Variants in ARPC5 observed in about 807,000 individuals in gnomAD.
ARPC5 encodes the protein actin related protein 2/3 complex subunit 5, also known as actin-related protein 2/3 complex subunit 5.
In ARPC5, 5 loss-of-function variants were observed where a neutral mutation model predicts 15.4. The observed-to-expected ratio is 0.32, with a 90% confidence interval of 0.17 to 0.68. The LOEUF (loss-of-function observed/expected upper bound fraction) is 0.68. Among genes scored for constraint, ARPC5 ranks in the 30% least tolerant of loss-of-function variants. ARPC5 has a pLI of 0.71. For missense variants in ARPC5, 138 were observed against 192.8 expected (o/e 0.72, Z 1.68); for synonymous variants, 85 against 72.2 (o/e 1.18, Z -0.90).
intron 1 of ARPC5, among the ~76,000 whole-genome samples, chr1:183,634,986 TC>T (rs1053092172): frequency 1.4e-5 from 2 of 146,034 alleles, no homozygotes; most frequent in African/African-American, 5.1e-5. Context: ...CAGTCCCATC[TC>T]CCCCCGCCCC....
intron 1 of ARPC5, 56 bp downstream of exon 1, chr1:183,635,461 G>T: frequency 1.3e-6 from 2 of 1,534,794 alleles, no homozygotes; most frequent in Admixed American, 1.9e-5. Flanking sequence ...CCGGGTCCCA[G>T]GAGAAGGGCG....
rs1436487896 is a variant in ARPC5 at position 183,623,053 on chromosome 1, A to C, written c.*4479T>G. ...ATGCCAAGTGAATGTGGGGATGAGT[A>C]AGAGCCAGCTACTATGACTTCAGGG... On this transcript the variant is annotated 3_prime_UTR_variant, in exon 4 of 4. Transcript: ENST00000359856. 5.3e-6 allele frequency: 1 copy of C among 189,490 alleles called. No homozygotes were observed. Among genetic ancestry groups the C allele is most frequent in the Admixed American group, 5.6e-5 (1 of 17,792 alleles). 11.7% of individuals were successfully genotyped at this position (189,490 alleles called of 1,614,324 possible). A position where few individuals can be genotyped will look rare whatever the true frequency, so the allele number is the denominator to read the frequency against.
At chr1:183,633,571 C>G (rs984949659) in intron 1 of ARPC5, 1 of 153,050 alleles carries the variant, frequency 6.5e-6, no homozygotes, top group African/African-American at 2.4e-5. Flanking sequence ...AAATAAAGAC[C>G]AAACTTTTGC....
rs17488675 is a variant in ARPC5 at position 183,623,435 on chromosome 1, C to T, written c.*4097G>A. On this transcript the variant is annotated 3_prime_UTR_variant, in exon 4 of 4. Coordinates refer to ENST00000359856, the MANE Select transcript of ARPC5 (RefSeq NM_005717.4). ...ACATGCTGTACCTCTGTGGGCTTCC[C>T]GGGCCTCCTCCATATCTGGAATCAT... 0.34 allele frequency: 530,291 copies of T among 1,549,968 alleles called. 95,759 individuals carry two copies. Among genetic ancestry groups the T allele is most frequent in the Middle Eastern group, 0.38 (2,295 of 5,988 alleles).
chr1:183,633,229 G>T, intron 1 of ARPC5, 75 bp from the exon 2 acceptor site: 1 of 996,572 alleles, frequency 1.0e-6, no homozygotes, highest in Non-Finnish European at 1.5e-6. Context: ...CTTATGACTT[G>T]ATTTACATAT....
Position 183,634,901 on chromosome 1 carries a change from CCTTCTTCTTCTT to C in ARPC5, c.143+604_143+615del, listed in dbSNP as rs748276518. On this transcript the variant is annotated intron_variant, in intron 1 of 3. Transcript: ENST00000359856. ...GTACAATGTATATTTTGCCAAATCC[CCTTCTTCTTCTT>C]CTTTTTTTTTTTTTTTTAAAAAGGC... Among the ~76,000 whole-genome samples the C allele has an allele frequency of 4.9e-4, 72 of 147,010 alleles. 1 individual carries two copies. The highest frequency in any genetic ancestry group is 1.8e-3 in the African/African-American group (71 of 38,664).
intron 1 of ARPC5, chr1:183,633,861 A>G (rs953660064): frequency 6.6e-6 from 1 of 152,254 alleles, no homozygotes; most frequent in Non-Finnish European, 1.5e-5. Flanking sequence ...CAGAAGGCCA[A>G]TCAGACTGTC....
chr1:183,623,379 G>A lies in ARPC5; in HGVS notation c.*4153C>T. 1 of 1,544,130 alleles carries A rather than the reference G, an allele frequency of 6.5e-7. No individual in the cohort carries two copies. The highest frequency in any genetic ancestry group is 1.7e-4 in the Middle Eastern group (1 of 5,974). ...TGTTGCTTGTGGTTGGATCATCAAT[G>A]TGGTGAAGTAGCACCACCTTGAGGC... On this transcript the variant is annotated 3_prime_UTR_variant, in exon 4 of 4. Coordinates refer to ENST00000359856, the MANE Select transcript of ARPC5 (RefSeq NM_005717.4).
chr1:183,633,439 T>C (rs1325901935), intron 1 of ARPC5: 5 of 219,834 alleles, frequency 2.3e-5, no homozygotes, highest in Non-Finnish European at 4.5e-5. Flanking sequence ...GAGATACATA[T>C]GCAAACATTA....
intron 1 of ARPC5, among the ~76,000 whole-genome samples, chr1:183,634,140 T>C (rs1050086037): frequency 6.6e-6 from 1 of 152,256 alleles, no homozygotes; most frequent in African/African-American, 2.4e-5. Context: ...TTAGGAAGCA[T>C]GTTCACCATT....
In ARPC5 at chr1:183,622,312, ATAAAAAC is replaced by A. The variant is rs1332827281; in HGVS notation, c.*5213_*5219del. 1 of 152,084 alleles carries A rather than the reference ATAAAAAC, an allele frequency of 6.6e-6. No homozygotes were observed. The highest frequency in any genetic ancestry group is 1.5e-5 in the Non-Finnish European group (1 of 68,046). 9.4% of individuals were successfully genotyped at this position (152,084 alleles called of 1,614,324 possible). On this transcript the variant is annotated 3_prime_UTR_variant, in exon 4 of 4. Transcript: ENST00000359856. ...ATATGAACAAATTATTTGAAAACGA[ATAAAAAC>A]TAAAATGAATAAAATACAGAACCAT...
chr1:183,632,583 T>C (rs1390393350), intron 2 of ARPC5: 1 of 152,370 alleles, frequency 6.6e-6, no homozygotes, highest in African/African-American at 2.4e-5. Flanking sequence ...TTATAAAATT[T>C]CATTCTTAAA....
At position 183,635,506 on chromosome 1, in the gene ARPC5, T is replaced by A; in HGVS notation, c.143+11A>T. 6.2e-7 allele frequency: 1 copy of A among 1,606,750 alleles called. No individual in the cohort carries two copies. Among genetic ancestry groups the A allele is most frequent in the Non-Finnish European group, 8.5e-7 (1 of 1,177,126 alleles). ...GGGCTGGGGTGGGGAGGGCGGTGAA[T>A]GCAAGGATATTGCCGCAGGCAGGAG... On this transcript the variant is annotated intron_variant, in intron 1 of 3. Transcript: ENST00000359856.
intron 1 of ARPC5, among the ~76,000 whole-genome samples, chr1:183,634,694 A>G (rs1248691151): frequency 6.6e-6 from 1 of 152,234 alleles, no homozygotes; most frequent in African/African-American, 2.4e-5. Flanking sequence ...TCTGCTTTAT[A>G]CGAATGACTC....
intron 3 of ARPC5, 31 bp from the exon 4 acceptor site, chr1:183,627,625 A>G (rs1173365462): frequency 6.4e-7 from 1 of 1,567,526 alleles, no homozygotes; most frequent in East Asian, 2.2e-5. Context: ...AAATGTTGAC[A>G]GAATAATAAA....
At position 183,625,929 on chromosome 1, in the gene ARPC5, T is replaced by C. The variant is rs550262947; in HGVS notation, c.*1603A>G. The C allele has an allele frequency of 6.6e-6, 1 of 152,306 alleles. No homozygotes were observed. Among genetic ancestry groups the C allele is most frequent in the Non-Finnish European group, 1.5e-5 (1 of 68,034 alleles). The allele number at this position is 152,306 out of a possible 1,614,324, so 9.4% of individuals were successfully genotyped here. On this transcript the variant is annotated 3_prime_UTR_variant, in exon 4 of 4. Transcript: ENST00000359856. ...GAATGACTGCAGCTGCTAAGCTACTTTGCACTTTCTAGTCTAGGTCTTTGG... is the reference window on the plus strand; with the variant it reads ...GAATGACTGCAGCTGCTAAGCTACTCTGCACTTTCTAGTCTAGGTCTTTGG...
At chr1:183,631,883 G>A (rs567574866) in intron 2 of ARPC5, 3 of 152,074 alleles carry the variant, frequency 2.0e-5, no homozygotes, top group Non-Finnish European at 2.9e-5. Context: ...TCAACAATTC[G>A]TTTCTCCTTC....
At chr1:183,628,174 A>G (rs941704314) in intron 3 of ARPC5, among the ~76,000 whole-genome samples, 305 of 95,980 alleles carry the variant, frequency 3.2e-3, no homozygotes, top group African/African-American at 0.013. Context: ...CTCCGTCTCA[A>G]AAAAAAAAAA....
chr1:183,629,429 T>C (rs1649202982), intron 3 of ARPC5, among the ~76,000 whole-genome samples: 1 of 152,236 alleles, frequency 6.6e-6, no homozygotes, highest in Admixed American at 6.5e-5. Context: ...GGGTGCCATA[T>C]AAATTACTAC....
Sources: allele counts gnomAD v4.1 joint callset (sites outside exome capture counted in the v4.1 genomes callset), GRCh38; gene constraint gnomAD v4.1.1; transcripts MANE v1.5; gene names NCBI Gene and HGNC (gene_info 2026-07-23, HGNC 2026-07-21).